The following S1PR3 variants were observed in gnomAD, a reference collection of about 807,000 sequenced individuals.
S1PR3 encodes the protein sphingosine-1-phosphate receptor 3, also known as sphingosine 1-phosphate receptor 3.
Under a neutral mutation model 13.3 loss-of-function variants are expected in S1PR3, and 12 were observed. The observed-to-expected ratio is 0.90, with a 90% CI of 0.58 to 1.46. S1PR3 has a LOEUF of 1.46. Ranked by LOEUF, S1PR3 falls within the 40% of genes most tolerant of loss-of-function variation. S1PR3 has a pLI of 0.00. For synonymous variants in S1PR3, 232 were observed against 214.0 expected (o/e 1.08, Z -0.73); for missense variants, 450 against 501.9 (o/e 0.90, Z 0.99).
rs943792947 is a variant in S1PR3 at position 89,003,821 on chromosome 9, A to G, written c.*1484A>G. 3.6e-5 allele frequency: 6 copies of G among 166,366 alleles called. No homozygotes were observed. 10.3% of individuals were successfully genotyped at this position (166,366 alleles called of 1,614,324 possible). On this transcript the variant is annotated 3_prime_UTR_variant, in exon 2 of 2. Coordinates refer to ENST00000358157, the MANE Select transcript of S1PR3 (RefSeq NM_005226.4). ...AAAAGAGTAGTCTTAACACATTACT[A>G]ACTTTTTCTAAGAGAAATTGATTCC...
chr9:88,991,367 C>A, upstream of S1PR3: 1 of 140,016 alleles, frequency 7.1e-6, no homozygotes, highest in Non-Finnish European at 1.2e-5. This position sits in a 1 kb window ranked among gnomAD's most constrained non-coding sequence, Gnocchi z 4.0. Context: ...GAGAGGGGGG[C>A]GGGGAGAGGG....
At position 89,001,875 on chromosome 9, in the gene S1PR3, C is replaced by T. The variant is rs772066059; in HGVS notation, c.675C>T (p.Ser225=). The T allele has an allele frequency of 3.7e-6, 6 of 1,614,260 alleles. No homozygotes were observed. The South Asian group carries it at 5.5e-5, about 15-fold the overall frequency. Residue 225 remains serine (S), a synonymous_variant, in exon 2 of 2, where the codon AGC becomes AGT. Transcript: ENST00000358157. Reference sequence around the variant, plus strand: ...GCATCTACTTCCTGGTGAAGTCCAGCAGCCGTAAGGTGGCCAACCACAACA... The same window carrying T: ...GCATCTACTTCCTGGTGAAGTCCAGTAGCCGTAAGGTGGCCAACCACAACA... ...YARIYFLVKS[S]SRKVANHNNS... is the part of the protein sequence containing the mutation.
At chr9:88,990,933 C>G (rs1825681490), upstream of S1PR3, 1 of 1,596,650 alleles carries the variant, frequency 6.3e-7, no homozygotes, top group Non-Finnish European at 8.5e-7. Flanking sequence ...CAAACAAAAA[C>G]GCTGTCCGGC....
chr9:88,991,755 CCA>C lies in S1PR3; in HGVS notation c.-148+62_-148+63del. The C allele has an allele frequency of 6.4e-7, 1 of 1,556,696 alleles. No homozygotes were observed. Among genetic ancestry groups the C allele is most frequent in the Non-Finnish European group, 8.7e-7 (1 of 1,150,302 alleles). Reference sequence around the variant, plus strand: ...GGTGGGGGGCTGGGGGCCGAAGGACCCACCTTTCCAACAAAATCCCCACCGAT... The same window carrying C: ...GGTGGGGGGCTGGGGGCCGAAGGACCCCTTTCCAACAAAATCCCCACCGAT... On this transcript the variant is annotated intron_variant, in intron 1 of 1. Transcript: ENST00000358157. This position sits in a 1 kb window ranked among gnomAD's most constrained non-coding sequence, Gnocchi z 4.0.
upstream of S1PR3, chr9:88,991,308 C>G: frequency 2.2e-6 from 3 of 1,372,166 alleles, no homozygotes; most frequent in Non-Finnish European, 2.9e-6. This position sits in a 1 kb window ranked among gnomAD's most constrained non-coding sequence, Gnocchi z 4.0. Flanking sequence ...GCGGCTTGAG[C>G]GGGAGGTGGG....
Position 88,991,657 on chromosome 9 carries a change from C to A in S1PR3, c.-186C>A, listed in dbSNP as rs969725027. 6.6e-7 allele frequency: 1 copy of A among 1,518,634 alleles called. No homozygotes were observed. Among genetic ancestry groups the A allele is most frequent in the Non-Finnish European group, 8.8e-7 (1 of 1,135,194 alleles). 94.1% of individuals were successfully genotyped at this position (1,518,634 alleles called of 1,614,324 possible). A position where few individuals can be genotyped will look rare whatever the true frequency, so the allele number is the denominator to read the frequency against. On this transcript the variant is annotated 5_prime_UTR_variant, in exon 1 of 2. Transcript: ENST00000358157. This position sits in a 1 kb window ranked among gnomAD's most constrained non-coding sequence, Gnocchi z 4.0. ...CCCCGGCACCGCCGCGCGCCACCCGCTAGGATGCCGGTGGCCCCAGCGCCC... is the reference window on the plus strand; with the variant it reads ...CCCCGGCACCGCCGCGCGCCACCCGATAGGATGCCGGTGGCCCCAGCGCCC...
In S1PR3 at chr9:88,991,727, C is replaced by T; in HGVS notation, c.-148+32C>T. ...GGCGGGCCCGGGCGGGGCGCGGAAC[C>T]AGGGTGGGGGGCTGGGGGCCGAAGG... is the stretch of plus-strand genomic sequence containing the variant. On this transcript the variant is annotated intron_variant, in intron 1 of 1. Transcript: ENST00000358157. This position sits in a 1 kb window ranked among gnomAD's most constrained non-coding sequence, Gnocchi z 4.0. 6.5e-7 allele frequency: 1 copy of T among 1,540,010 alleles called. No individual in the cohort carries two copies. The highest frequency in any genetic ancestry group is 8.8e-7 in the Non-Finnish European group (1 of 1,141,212).
At chr9:88,999,622 A>T (rs1388965303) in intron 1 of S1PR3, 1 of 152,222 alleles carries the variant, frequency 6.6e-6, no homozygotes, top group Non-Finnish European at 1.5e-5. Context: ...AAACATCGTA[A>T]AAGTTAAAAA....
In S1PR3 at chr9:88,991,503, A is replaced by T. The variant is rs1260879677; in HGVS notation, c.-340A>T. Reference sequence around the variant, plus strand: ...GAAGCCGGTTCCGGGGACGGGCAACAGGGACTCAGGGACCAGAAGGCGGCT... The same window carrying T: ...GAAGCCGGTTCCGGGGACGGGCAACTGGGACTCAGGGACCAGAAGGCGGCT... On this transcript the variant is annotated 5_prime_UTR_variant, in exon 1 of 2. Transcript: ENST00000358157. This position sits in a 1 kb window ranked among gnomAD's most constrained non-coding sequence, Gnocchi z 4.0. 1.3e-6 allele frequency: 2 copies of T among 1,547,740 alleles called. No homozygotes were observed. The highest frequency in any genetic ancestry group is 1.7e-6 in the Non-Finnish European group (2 of 1,145,898).
Position 89,001,047 on chromosome 9 carries a change from T to C in S1PR3, c.-147-7T>C, listed in dbSNP as rs1440865642. The C allele has an allele frequency of 7.5e-6, 6 of 799,428 alleles. No individual in the cohort carries two copies. The highest frequency in any genetic ancestry group is 1.2e-5 in the Non-Finnish European group (6 of 504,240). The allele number at this position is 799,428 out of a possible 1,614,324, so 49.5% of individuals were successfully genotyped here. ...AATGGTCGCTCCCTCTTTTTATCTG[T>C]TGGCAGGAGCCCTTTTTCAACGCCC... On this transcript the variant is annotated splice_polypyrimidine_tract_variant and splice_region_variant and intron_variant, in intron 1 of 1. Transcript: ENST00000358157.
chr9:88,990,977 T>G (rs1433369808), upstream of S1PR3: 1 of 1,611,968 alleles, frequency 6.2e-7, no homozygotes, highest in Non-Finnish European at 8.5e-7. Flanking sequence ...AAGCCGGTGC[T>G]CGGCCAGTTA....
chr9:88,992,331 A>G (rs73654718), intron 1 of S1PR3: 20,189 of 346,748 alleles, frequency 0.058, 915 homozygotes, highest in African/African-American at 0.15. Flanking sequence ...GACACTCCCA[A>G]TGGTATATTT....
upstream of S1PR3, chr9:88,991,237 G>A: frequency 1.9e-6 from 3 of 1,559,246 alleles, no homozygotes; most frequent in Non-Finnish European, 2.6e-6. This position sits in a 1 kb window ranked among gnomAD's most constrained non-coding sequence, Gnocchi z 4.0. Flanking sequence ...GACCCTAGGG[G>A]ATTGGTAGGG....
Position 89,001,685 on chromosome 9 carries a change from G to A in S1PR3, c.485G>A (p.Trp162Ter). 1.2e-6 allele frequency: 2 copies of A among 1,614,190 alleles called. No individual in the cohort carries two copies. Among genetic ancestry groups the A allele is most frequent in the Non-Finnish European group, 1.7e-6 (2 of 1,180,040 alleles). ...GTCTTCCTCCTGATCGGGATGTGCT[G>A]GCTCATTGCCTTCACGCTGGGCGCC... is the stretch of plus-strand genomic sequence containing the variant. ...HRVFLLIGMC[W>*]LIAFTLGALP... The change falls in exon 2 of 2, where the codon TGG becomes TAG. Residue 162 changes from tryptophan to a stop codon, truncating the protein, a stop_gained. Transcript: ENST00000358157. LOFTEE classifies it high-confidence loss of function.
At chr9:89,000,579 G>A (rs1282290071) in intron 1 of S1PR3, 1 of 152,368 alleles carries the variant, frequency 6.6e-6, no homozygotes, top group Admixed American at 6.5e-5. Flanking sequence ...TGGGAAGTGC[G>A]GGATCTTCCC....
chr9:88,992,299 T>G, intron 1 of S1PR3: 1 of 407,312 alleles, frequency 2.5e-6, no homozygotes, highest in Non-Finnish European at 4.4e-6. Context: ...TCTCTCTCTC[T>G]TCCTCTGACT....
chr9:88,991,636 G>A lies in S1PR3; in HGVS notation c.-207G>A, dbSNP rs777941434. The A allele has an allele frequency of 7.2e-6, 11 of 1,527,302 alleles. No homozygotes were observed. Among genetic ancestry groups the A allele is most frequent in the Non-Finnish European group, 9.7e-6 (11 of 1,138,640 alleles). 94.6% of individuals were successfully genotyped at this position (1,527,302 alleles called of 1,614,324 possible). A position where few individuals can be genotyped will look rare whatever the true frequency, so the allele number is the denominator to read the frequency against. The stretch of plus-strand genomic sequence containing the variant: ...ATTCGAGCGCAGGACCGGGCGCCCC[G>A]GCACCGCCGCGCGCCACCCGCTAGG... On this transcript the variant is annotated 5_prime_UTR_variant, in exon 1 of 2. Transcript: ENST00000358157. This position sits in a 1 kb window ranked among gnomAD's most constrained non-coding sequence, Gnocchi z 4.0.
At position 88,991,513 on chromosome 9, in the gene S1PR3, G is replaced by A; in HGVS notation, c.-330G>A. The A allele has an allele frequency of 6.5e-7, 1 of 1,547,892 alleles. No individual in the cohort carries two copies. Among genetic ancestry groups the A allele is most frequent in the South Asian group, 1.2e-5 (1 of 83,984 alleles). ...CCGGGGACGGGCAACAGGGACTCAG[G>A]GACCAGAAGGCGGCTGCAGGACGCG... On this transcript the variant is annotated 5_prime_UTR_variant, in exon 1 of 2. Transcript: ENST00000358157. The surrounding 1 kb of genome is among the most constrained non-coding windows in gnomAD (Gnocchi z 4.0).
chr9:88,991,180 A>G, upstream of S1PR3: 8 of 1,602,460 alleles, frequency 5.0e-6, no homozygotes, highest in Non-Finnish European at 6.8e-6. The surrounding 1 kb of genome is among the most constrained non-coding windows in gnomAD (Gnocchi z 4.0). Flanking sequence ...CCCGATGAGG[A>G]CAAGGTCTGG....
Sources: allele counts gnomAD v4.1 joint callset, GRCh38; gene constraint gnomAD v4.1.1; non-coding constraint Gnocchi (gnomAD v3.1); transcripts MANE v1.5; gene names NCBI Gene and HGNC (gene_info 2026-07-23, HGNC 2026-07-21).